CUL2: variants seen among roughly 807,000 people sequenced by gnomAD.
CUL2 encodes the protein cullin-2.
In CUL2, 22 loss-of-function variants were observed where a neutral mutation model predicts 110.2. The ratio of observed to expected loss-of-function variants is 0.20; its 90% CI spans 0.14 to 0.28. CUL2 has a LOEUF of 0.28. CUL2 is among the 10% of genes least tolerant of loss of function. CUL2 has a pLI of 1.00. For missense variants in CUL2, 631 were observed against 905.5 expected (o/e 0.70, Z 3.89); for synonymous variants, 279 against 293.2 (o/e 0.95, Z 0.49).
chr10:35,048,668 C>T (rs1379727194), intron 6 of CUL2, among the ~76,000 whole-genome samples: 1 of 152,186 alleles, frequency 6.6e-6, no homozygotes, highest in African/African-American at 2.4e-5. Flanking sequence ...CACCCTACTG[C>T]TTCAGTATTG....
At chr10:35,089,448 T>C (rs1170841749) in intron 1 of CUL2, among the ~76,000 whole-genome samples, 1 of 152,244 alleles carries the variant, frequency 6.6e-6, no homozygotes, top group Admixed American at 6.5e-5. Context: ...GACGTTTATG[T>C]TGAACAGTCA....
chr10:35,034,254 C>T (rs920847692), intron 10 of CUL2, among the ~76,000 whole-genome samples: 4 of 151,990 alleles, frequency 2.6e-5, no homozygotes, highest in East Asian at 1.9e-4. Context: ...AATCTATAAA[C>T]GTAATAATGT....
intron 17 of CUL2, among the ~76,000 whole-genome samples, chr10:35,020,768 A>T (rs933176695): frequency 6.6e-6 from 1 of 152,148 alleles, no homozygotes; most frequent in Non-Finnish European, 1.5e-5. Flanking sequence ...GTATGTCTTT[A>T]TCAAACTGTT....
intron 14 of CUL2, among the ~76,000 whole-genome samples, chr10:35,030,135 T>C (rs947342806): frequency 6.6e-6 from 1 of 152,184 alleles, no homozygotes; most frequent in Admixed American, 6.5e-5. Context: ...TATTGGCACA[T>C]GCCACAGCTG....
rs560880537 is a variant in CUL2 at position 35,020,239 on chromosome 10, T to C, written c.1685-3845A>G. ...ATTCTACAAGACAACTGGCCTGGTCTGTTCAAAACAGTGTGTCAAAGAATG... is the reference window on the plus strand; with the variant it reads ...ATTCTACAAGACAACTGGCCTGGTCCGTTCAAAACAGTGTGTCAAAGAATG... On this transcript the variant is annotated intron_variant, in intron 17 of 20. Coordinates refer to ENST00000374749, the MANE Select transcript of CUL2 (RefSeq NM_003591.4). Among the ~76,000 whole-genome samples the C allele has an allele frequency of 3.3e-5, 5 of 151,830 alleles. No homozygotes were observed. In the South Asian group the frequency reaches 1.0e-3, roughly 32 times the overall value.
chr10:35,057,733 C>T (rs1046566811), intron 4 of CUL2, among the ~76,000 whole-genome samples: 1 of 151,820 alleles, frequency 6.6e-6, no homozygotes, highest in African/African-American at 2.4e-5. Flanking sequence ...AATATGGACA[C>T]CATTCTTATT....
At chr10:35,035,338 T>C (rs1360747824) in intron 9 of CUL2, 42 bp from the exon 10 acceptor site, 3 of 1,604,710 alleles carry the variant, frequency 1.9e-6, no homozygotes, top group Non-Finnish European at 2.6e-6. Context: ...CCCAAATATT[T>C]TCATTTATTA....
intron 9 of CUL2, 36 bp from the exon 10 acceptor site, chr10:35,035,332 A>G: frequency 6.2e-7 from 1 of 1,607,576 alleles, no homozygotes; most frequent in East Asian, 2.2e-5. Context: ...TTAACTCCCA[A>G]ATATTTTCAT....
Position 35,090,168 on chromosome 10 carries a change from A to T in CUL2, c.-23+11T>A, listed in dbSNP as rs944097160. The stretch of plus-strand genomic sequence containing the variant: ...CCTGCAGCCCGGCTCCCCGACCCTC[A>T]GCGGGGTTACCTTCTGCAGAAGCAG... On this transcript the variant is annotated intron_variant, in intron 1 of 20. Coordinates refer to ENST00000374749, the MANE Select transcript of CUL2 (RefSeq NM_003591.4). The T allele has an allele frequency of 6.6e-6, 1 of 152,516 alleles. No homozygotes were observed. Among genetic ancestry groups the T allele is most frequent in the Non-Finnish European group, 1.5e-5 (1 of 68,130 alleles). The allele number at this position is 152,516 out of a possible 1,614,324, so 9.4% of individuals were successfully genotyped here. A position where few individuals can be genotyped will look rare whatever the true frequency, so the allele number is the denominator to read the frequency against.
At chr10:35,055,551 C>T (rs1023229366) in intron 4 of CUL2, among the ~76,000 whole-genome samples, 5 of 152,060 alleles carry the variant, frequency 3.3e-5, no homozygotes, top group Non-Finnish European at 7.4e-5. Flanking sequence ...TGGGTAACAG[C>T]GAGACTGTCT....
intron 5 of CUL2, among the ~76,000 whole-genome samples, chr10:35,050,666 T>C (rs752410935): frequency 1.3e-5 from 2 of 152,234 alleles, no homozygotes; most frequent in Non-Finnish European, 2.9e-5. Flanking sequence ...AGCTCAATCA[T>C]TGGCACTGCT....
chr10:35,084,954 C>T (rs961340502), intron 1 of CUL2, among the ~76,000 whole-genome samples: 3 of 151,768 alleles, frequency 2.0e-5, no homozygotes, highest in Admixed American at 2.0e-4. Context: ...CCCGTCTCTA[C>T]TAAAAATACA....
At chr10:35,065,364 T>C (rs1377031671) in intron 2 of CUL2, among the ~76,000 whole-genome samples, 1 of 152,170 alleles carries the variant, frequency 6.6e-6, no homozygotes, top group African/African-American at 2.4e-5. Context: ...CTCACGCCTG[T>C]AATCCCAGCA....
chr10:35,073,585 CTTTTTTTTTTTCTTTTTCTTTTTCTTTTT>C (rs906837019), intron 1 of CUL2, among the ~76,000 whole-genome samples: 1 of 145,660 alleles, frequency 6.9e-6, no homozygotes, highest in African/African-American at 2.5e-5. Flanking sequence ...CTTTTCTTTT[CTTTTTTTTTTTCTTTTTCTTTTTCTTTTT>C]TTTTTTGAGA....
chr10:35,042,344 T>C lies in CUL2; in HGVS notation c.714+2222A>G, dbSNP rs139900544. Among the ~76,000 whole-genome samples the C allele has an allele frequency of 2.0e-5, 3 of 152,298 alleles. No homozygotes were observed. In the East Asian group the frequency reaches 5.8e-4, roughly 29 times the overall value. On this transcript the variant is annotated intron_variant, in intron 8 of 20. Coordinates refer to ENST00000374749, the MANE Select transcript of CUL2 (RefSeq NM_003591.4). ...TGTATCATGTATAACTTCAATTCTT[T>C]TTAAAGACTGTGTGGTGTTGTGATA...
At chr10:35,090,780 A>G (rs753251147), upstream of CUL2, 4 of 152,296 alleles carry the variant, frequency 2.6e-5, no homozygotes, top group Non-Finnish European at 5.9e-5. Flanking sequence ...GCTGATGGAC[A>G]CAGTACCCAC....
intron 17 of CUL2, among the ~76,000 whole-genome samples, chr10:35,023,024 C>A (rs1372408622): frequency 1.3e-5 from 2 of 152,118 alleles, no homozygotes; most frequent in African/African-American, 4.8e-5. Context: ...GCCTGGGTGA[C>A]AGAGCAAGAC....
intron 1 of CUL2, among the ~76,000 whole-genome samples, chr10:35,089,210 G>A (rs1243023745): frequency 6.6e-6 from 1 of 152,166 alleles, no homozygotes; most frequent in Non-Finnish European, 1.5e-5. Context: ...CTTATCTCAC[G>A]CGACTCTTTT....
chr10:35,037,704 G>A (rs535862789), intron 9 of CUL2, among the ~76,000 whole-genome samples: 1 of 152,064 alleles, frequency 6.6e-6, no homozygotes, highest in Non-Finnish European at 1.5e-5. Context: ...TTAGCCAGGT[G>A]TGGGGGCGGA....
Sources: allele counts gnomAD v4.1 joint callset (sites outside exome capture counted in the v4.1 genomes callset), GRCh38; gene constraint gnomAD v4.1.1; transcripts MANE v1.5; gene names NCBI Gene and HGNC (gene_info 2026-07-23, HGNC 2026-07-21).